Variants in NF1 observed in about 807,000 individuals in gnomAD.
NF1 encodes the protein neurofibromin 1.
In NF1, 122 loss-of-function variants were observed where a neutral mutation model predicts 325.7. The observed-to-expected ratio is 0.37, with a 90% CI of 0.32 to 0.44. The LOEUF (loss-of-function observed/expected upper bound fraction) is 0.44. Ranked by LOEUF, NF1 falls within the 20% of genes least tolerant of loss-of-function variation. The pLI, the probability that NF1 is intolerant of heterozygous loss-of-function variation, is 1.00. For missense variants in NF1, 2,140 were observed against 3,415.4 expected (o/e 0.63, Z 9.31); for synonymous variants, 1,091 against 1,186.0 (o/e 0.92, Z 1.65).
At chr17:31,324,825 G>A (rs2069301793) in intron 36 of NF1, among the ~76,000 whole-genome samples, 1 of 152,182 alleles carries the variant, frequency 6.6e-6, no homozygotes, top group African/African-American at 2.4e-5. Context: ...GCCTCCCAGA[G>A]TGCTGGGAAT....
intron 54 of NF1, 190 bp downstream of exon 54, chr17:31,357,559 GGAAA>G (rs2070304880): frequency 4.9e-6 from 3 of 606,978 alleles, no homozygotes; most frequent in Non-Finnish European, 8.8e-6. Context: ...AAGTTTATAA[GGAAA>G]GACTTTTAAA....
At chr17:31,139,102 C>T (rs1245923848) in intron 1 of NF1, among the ~76,000 whole-genome samples, 5 of 151,980 alleles carry the variant, frequency 3.3e-5, no homozygotes, top group African/African-American at 9.7e-5. Context: ...AGCTAGAGTG[C>T]GGTGGCATGA....
intron 1 of NF1, among the ~76,000 whole-genome samples, chr17:31,110,722 A>G (rs981133930): frequency 2.6e-5 from 4 of 152,118 alleles, no homozygotes; most frequent in Non-Finnish European, 4.4e-5. Flanking sequence ...TACGGAGAAA[A>G]TGGATGAAAA....
At chr17:31,275,871 C>T (rs569539823) in intron 36 of NF1, among the ~76,000 whole-genome samples, 6 of 152,180 alleles carry the variant, frequency 3.9e-5, no homozygotes, top group African/African-American at 1.2e-4. Flanking sequence ...CTTCTATTCC[C>T]TCTAGCTTCT....
chr17:31,131,317 C>T (rs2143464823), intron 1 of NF1, among the ~76,000 whole-genome samples: 1 of 152,300 alleles, frequency 6.6e-6, no homozygotes, highest in African/African-American at 2.4e-5. Flanking sequence ...GGAGGAGTCT[C>T]CTTCTGCAGG....
intron 21 of NF1, 79 bp downstream of exon 21, chr17:31,229,544 TTTAAA>T: frequency 2.0e-6 from 3 of 1,508,948 alleles, no homozygotes; most frequent in Non-Finnish European, 2.7e-6. Context: ...TTTCAGATTA[TTTAAA>T]TTAGGTACTC....
chr17:31,271,654 G>A (rs1234890062), intron 36 of NF1, among the ~76,000 whole-genome samples: 1 of 152,140 alleles, frequency 6.6e-6, no homozygotes, highest in Non-Finnish European at 1.5e-5. Flanking sequence ...GGGGGCTGAG[G>A]CAGGAGAATT....
At chr17:31,219,266 A>T in intron 14 of NF1, 148 bp downstream of exon 14, 1 of 758,772 alleles carries the variant, frequency 1.3e-6, no homozygotes, top group Non-Finnish European at 2.1e-6. Context: ...GTTTTATAAA[A>T]CTCCATGGAG....
chr17:31,174,584 AC>A (rs1425521708), intron 5 of NF1, among the ~76,000 whole-genome samples: 2 of 152,194 alleles, frequency 1.3e-5, no homozygotes, highest in African/African-American at 4.8e-5. Flanking sequence ...ACATTAAATA[AC>A]CAGTCACTTA....
In NF1 at chr17:31,352,295, G is replaced by C. The variant is rs375176282; in HGVS notation, c.7496G>C (p.Gly2499Ala). 6.2e-7 allele frequency: 1 copy of C among 1,613,914 alleles called. No homozygotes were observed. The highest frequency in any genetic ancestry group is 1.3e-5 in the African/African-American group (1 of 74,860). The change falls in exon 51 of 58, where the codon GGT becomes GCT. Residue 2499 changes from glycine to alanine, a missense_variant. Gly to Ala is a moderately conservative substitution (Grantham distance 60). This residue lies in a region of NF1 where 522 missense variants were observed against 749.0 expected (regional missense o/e 0.70). Transcript: ENST00000358273. ...KETQPWSSPK[G>A]SEGYLAATYP... is the part of the protein sequence containing the mutation. The stretch of plus-strand genomic sequence containing the variant: ...ACTCAGCCATGGTCCTCTCCCAAAG[G>C]TTCTGAAGGATACCTTGCAGCCACC...
intron 1 of NF1, chr17:31,095,593 CG>C: frequency 1.4e-5 from 8 of 557,822 alleles, no homozygotes; most frequent in East Asian, 9.4e-5. Flanking sequence ...CCTCCTAAGT[CG>C]GGGGGTGGGG....
At chr17:31,261,678 TA>T in intron 34 of NF1, 32 bp from the exon 35 acceptor site, 3 of 1,611,608 alleles carry the variant, frequency 1.9e-6, no homozygotes, top group Non-Finnish European at 2.5e-6. Flanking sequence ...TGTGAACTGC[TA>T]ATTTTTTTTC....
At chr17:31,251,108 A>G (rs2067486243) in intron 30 of NF1, 1 of 196,338 alleles carries the variant, frequency 5.1e-6, no homozygotes, top group African/African-American at 2.3e-5. Context: ...TCAAGATAGT[A>G]TTTTATTGAG....
intron 36 of NF1, among the ~76,000 whole-genome samples, chr17:31,299,258 C>T (rs2068525612): frequency 6.7e-6 from 1 of 149,996 alleles, no homozygotes; most frequent in Admixed American, 6.7e-5. Context: ...TGCACATGTA[C>T]CCTAAAACTT....
chr17:31,212,681 G>T (rs544582671), intron 12 of NF1, among the ~76,000 whole-genome samples: 1 of 152,314 alleles, frequency 6.6e-6, no homozygotes, highest in East Asian at 1.9e-4. Flanking sequence ...CTGCACTCCA[G>T]CCTGGGCAAC....
At chr17:31,168,050 G>A (rs986650458) in intron 4 of NF1, among the ~76,000 whole-genome samples, 1 of 152,096 alleles carries the variant, frequency 6.6e-6, no homozygotes, top group African/African-American at 2.4e-5. Context: ...GTTGATAAAA[G>A]TAGAAGTTAG....
At chr17:31,219,319 TG>T in intron 14 of NF1, 1 of 389,230 alleles carries the variant, frequency 2.6e-6, no homozygotes, top group Non-Finnish European at 4.6e-6. Flanking sequence ...GCAATAACAT[TG>T]TACAAATTCT....
intron 4 of NF1, among the ~76,000 whole-genome samples, chr17:31,168,641 G>T (rs997790605): frequency 1.3e-5 from 2 of 151,446 alleles, no homozygotes; most frequent in African/African-American, 4.9e-5. Context: ...TCATTTGGCT[G>T]GGGGGGGACA....
rs752569823 is a variant in NF1, at chr17:31,336,749, C to G, written c.6262C>G (p.Leu2088Val). ...IAILARYMLMLSFNNSLDVAA... is the reference protein window; with the variant it reads ...IAILARYMLMVSFNNSLDVAA... ...TATTTTAGCACGCTACATGCTGATG[C>G]TGTCCTTCAACAATTCCCTTGATGT... The change falls in exon 42 of 58, where the codon CTG (leucine) becomes GTG (valine). Residue 2088 changes from leucine to valine, a missense_variant. Physicochemically the swap from Leu to Val is conservative, Grantham distance 32. This residue lies in a region of NF1 where 180 missense variants were observed against 435.1 expected (regional missense o/e 0.41). Coordinates refer to ENST00000358273, the MANE Select transcript of NF1 (RefSeq NM_001042492.3). This position sits in a 1 kb window ranked among gnomAD's most constrained non-coding sequence, Gnocchi z 5.5. The G allele has an allele frequency of 6.2e-7, 1 of 1,614,000 alleles. No individual in the cohort carries two copies. Among genetic ancestry groups the G allele is most frequent in the Admixed American group, 1.7e-5 (1 of 60,004 alleles).
Sources: gnomAD v4.1 joint callset for allele counts (sites outside exome capture counted in the v4.1 genomes callset) on GRCh38, gnomAD v4.1.1 for gene constraint, gnomAD v4.1.1 regional missense constraint, Gnocchi (gnomAD v3.1) non-coding constraint, MANE v1.5 for transcripts, NCBI Gene and HGNC (gene_info 2026-07-23, HGNC 2026-07-21) for gene names.